BAZ1A: variants seen among roughly 807,000 people sequenced by gnomAD.
BAZ1A encodes the protein bromodomain adjacent to zinc finger domain protein 1A.
Under a neutral mutation model 185.2 loss-of-function variants are expected in BAZ1A, and 50 were observed. The observed-to-expected ratio is 0.27, with a 90% confidence interval of 0.22 to 0.34. The LOEUF is 0.34. Among genes scored for constraint, BAZ1A ranks in the 10% least tolerant of loss-of-function variants. The pLI is 1.00. For missense variants in BAZ1A, 1,356 were observed against 1,839.9 expected (o/e 0.74, Z 4.81); for synonymous variants, 571 against 615.6 (o/e 0.93, Z 1.07).
chr14:34,844,806 CACACACAA>C (rs1486946131), intron 3 of BAZ1A, among the ~76,000 whole-genome samples: 1 of 137,760 alleles, frequency 7.3e-6, no homozygotes, highest in South Asian at 2.4e-4. Context: ...CACACACACA[CACACACAA>C]AATCCAACAT....
intron 17 of BAZ1A, among the ~76,000 whole-genome samples, chr14:34,777,567 C>G (rs912511925): frequency 6.6e-6 from 1 of 151,224 alleles, no homozygotes; most frequent in African/African-American, 2.4e-5. Context: ...TCGCTTGAAC[C>G]CAGGAGGGGG....
rs551078906 is a variant in BAZ1A at position 34,794,453 on chromosome 14, A to T, written c.1363+296T>A. ...CTGACCAATGGAATGTGGCAGAAGTAAGGCTGTGCCAATTCCAGGCCTAGG... is the reference window on the plus strand; with the variant it reads ...CTGACCAATGGAATGTGGCAGAAGTTAGGCTGTGCCAATTCCAGGCCTAGG... On this transcript the variant is annotated intron_variant, in intron 11 of 26. Transcript: ENST00000360310. 3.9e-5 allele frequency among the ~76,000 whole-genome samples: 6 copies of T among 152,304 alleles called. No homozygotes were observed. The East Asian group carries it at 1.2e-3, about 29-fold the overall frequency.
chr14:34,863,840 A>G (rs2042810744), intron 2 of BAZ1A, among the ~76,000 whole-genome samples: 1 of 108,050 alleles, frequency 9.3e-6, no homozygotes, highest in South Asian at 3.4e-4. Context: ...ATAATTCTAT[A>G]TTGTTTGAAT....
At position 34,756,316 on chromosome 14, in the gene BAZ1A, C is replaced by T. The variant is rs929917889; in HGVS notation, c.4387-1402G>A. 4.3e-4 allele frequency among the ~76,000 whole-genome samples: 65 copies of T among 151,278 alleles called. 1 individual carries two copies. The highest frequency in any genetic ancestry group is 2.7e-4 in the Non-Finnish European group (18 of 67,916). On this transcript the variant is annotated intron_variant, in intron 25 of 26. Transcript: ENST00000360310. ...TTTTTTAGTAGAGACAGGGTTTCACCGTGTTAGCCAGGATGGTCTCAATCT... is the reference window on the plus strand; with the variant it reads ...TTTTTTAGTAGAGACAGGGTTTCACTGTGTTAGCCAGGATGGTCTCAATCT...
In BAZ1A at chr14:34,762,169, T is replaced by C; in HGVS notation, c.3831A>G (p.Lys1277=). Residue 1277 remains lysine (K), a synonymous_variant, in exon 24 of 27, where the codon AAA becomes AAG. Coordinates refer to ENST00000360310, the MANE Select transcript of BAZ1A (RefSeq NM_013448.3). ...CACGACTTGAGAAAGAAGAGCTAAG[T>C]TTCCCTCTTGTTTTAACTGGCAATC... ...QVRLPVKTRG[K]LSSSFSSRGQ... is the part of the protein sequence containing the mutation. 1 of 1,614,194 alleles carries C rather than the reference T, an allele frequency of 6.2e-7. No homozygotes were observed. Among genetic ancestry groups the C allele is most frequent in the Non-Finnish European group, 8.5e-7 (1 of 1,180,022 alleles).
At chr14:34,860,160 A>G (rs1273590118) in intron 3 of BAZ1A, among the ~76,000 whole-genome samples, 1 of 152,118 alleles carries the variant, frequency 6.6e-6, no homozygotes, top group Non-Finnish European at 1.5e-5. Context: ...AACAGAGTAC[A>G]TTCAGAATGT....
intron 2 of BAZ1A, among the ~76,000 whole-genome samples, chr14:34,868,086 C>G (rs920991686): frequency 5.3e-5 from 8 of 152,310 alleles, no homozygotes; most frequent in South Asian, 2.1e-4. Flanking sequence ...TTCAATCATC[C>G]TCTTCACTAA....
At position 34,771,654 on chromosome 14, in the gene BAZ1A, A is replaced by G. The variant is rs756982945; in HGVS notation, c.3158T>C (p.Leu1053Ser). Residue 1053 changes from leucine to serine, a missense_variant, in exon 21 of 27, where the codon TTG becomes TCG. Coordinates refer to ENST00000360310, the MANE Select transcript of BAZ1A (RefSeq NM_013448.3). The stretch of plus-strand genomic sequence containing the variant: ...ACTTGGAGTTTCTGTTTTTATCCCC[A>G]AAAGTCTACAATTAAAACAATTAAG... ...QTKVIVKDRL[L>S]GIKTETPSTV... is the part of the protein sequence containing the mutation. 9.9e-6 allele frequency: 16 copies of G among 1,611,422 alleles called. No homozygotes were observed. The East Asian group carries it at 3.6e-4, about 36-fold the overall frequency.
At chr14:34,819,664 C>T (rs2042058051) in intron 4 of BAZ1A, among the ~76,000 whole-genome samples, 1 of 152,062 alleles carries the variant, frequency 6.6e-6, no homozygotes. Flanking sequence ...ACAGTTTATC[C>T]ACTCACCTAC....
At chr14:34,793,926 A>G (rs12432567) in intron 11 of BAZ1A, among the ~76,000 whole-genome samples, 30,314 of 151,520 alleles carry the variant, frequency 0.2, 3,532 homozygotes, top group Non-Finnish European at 0.26. Context: ...TGGGCGACAG[A>G]GCGAGACTCC....
At chr14:34,844,149 T>C (rs1396800792) in intron 3 of BAZ1A, among the ~76,000 whole-genome samples, 5 of 138,506 alleles carry the variant, frequency 3.6e-5, no homozygotes, top group Admixed American at 7.9e-5. Flanking sequence ...GAGCTTGCAG[T>C]GAGCAGAGAT....
chr14:34,845,088 C>A (rs1472104778), intron 3 of BAZ1A, among the ~76,000 whole-genome samples: 1 of 151,886 alleles, frequency 6.6e-6, no homozygotes, highest in Non-Finnish European at 1.5e-5. Flanking sequence ...ACTATTTGAA[C>A]CTTTGTGTTT....
chr14:34,765,648 T>A (rs1878788574), intron 21 of BAZ1A, among the ~76,000 whole-genome samples: 1 of 152,222 alleles, frequency 6.6e-6, no homozygotes, highest in Non-Finnish European at 1.5e-5. Context: ...CTTCCTCATC[T>A]CATATAAAAG....
intron 4 of BAZ1A, among the ~76,000 whole-genome samples, chr14:34,813,143 G>C (rs1431978162): frequency 6.6e-6 from 1 of 152,176 alleles, no homozygotes; most frequent in Non-Finnish European, 1.5e-5. Flanking sequence ...AGCACTTTGT[G>C]AGGCCAAGGC....
chr14:34,801,133 T>C lies in BAZ1A; in HGVS notation c.922A>G (p.Arg308Gly), dbSNP rs1354496547. 40 of 1,603,942 alleles carry C rather than the reference T, an allele frequency of 2.5e-5. No individual in the cohort carries two copies. The East Asian group carries it at 6.7e-4, about 27-fold the overall frequency. The part of the protein sequence containing the change: ...ASYRSKATKE[R>G]DKLLKQEEMK... The stretch of plus-strand genomic sequence containing the variant: ...TCTTCTTGTTTCAAAAGTTTATCTC[T>C]TTCTTTAGTAGCTTTGCTCCTATAA... Residue 308 changes from arginine to glycine, a missense_variant, in exon 8 of 27, where the codon AGA (arginine) becomes GGA (glycine). This residue lies in a region of BAZ1A where 332 missense variants were observed against 395.3 expected (regional missense o/e 0.84). Coordinates refer to ENST00000360310, the MANE Select transcript of BAZ1A (RefSeq NM_013448.3).
chr14:34,786,605 GTT>G (rs1205690538), intron 12 of BAZ1A: 17 of 119,204 alleles, frequency 1.4e-4, no homozygotes, highest in South Asian at 2.5e-4. Flanking sequence ...TTTTATGTGT[GTT>G]TTTTTTTTTT....
chr14:34,786,333 CAAAA>C, intron 12 of BAZ1A, 112 bp from the exon 13 acceptor site: 1 of 914,200 alleles, frequency 1.1e-6, no homozygotes, highest in South Asian at 1.7e-5. Context: ...TTCGGAACCT[CAAAA>C]GAACAAACAC....
chr14:34,762,472 T>A (rs1886566191), intron 23 of BAZ1A, among the ~76,000 whole-genome samples: 1 of 149,272 alleles, frequency 6.7e-6, no homozygotes, highest in African/African-American at 2.5e-5. Flanking sequence ...TATGTTTTCT[T>A]TTCTTTTCTT....
intron 17 of BAZ1A, among the ~76,000 whole-genome samples, chr14:34,778,603 A>C (rs181217978): frequency 1.1e-3 from 161 of 152,356 alleles, no homozygotes; most frequent in African/African-American, 3.8e-3. Flanking sequence ...TACATTAACA[A>C]ATTTCTTCAC....
Sources: gnomAD v4.1 joint callset for allele counts (sites outside exome capture counted in the v4.1 genomes callset) on GRCh38, gnomAD v4.1.1 for gene constraint, gnomAD v4.1.1 regional missense constraint, MANE v1.5 for transcripts, NCBI Gene and HGNC (gene_info 2026-07-23, HGNC 2026-07-21) for gene names.